Variants in ERC2 observed in about 807,000 individuals in gnomAD.
The protein encoded by ERC2 is ELKS/RAB6-interacting/CAST family member 2, also known as ERC protein 2.
ERC2 carries 42 observed loss-of-function variants against 114.8 expected under a neutral mutation model. That is an observed-to-expected ratio of 0.37 (90% CI 0.29 to 0.47). The LOEUF (loss-of-function observed/expected upper bound fraction) is 0.47, where lower values mean the gene tolerates loss of function less well. Among genes scored for constraint, ERC2 ranks in the 20% least tolerant of loss-of-function variants. The pLI is 0.99. For synonymous variants in ERC2, 454 were observed against 425.5 expected (o/e 1.07, Z -0.82); for missense variants, 939 against 1,150.7 (o/e 0.82, Z 2.66).
intron 3 of ERC2, among the ~76,000 whole-genome samples, chr3:56,257,457 T>C (rs575519637): frequency 6.6e-6 from 1 of 152,310 alleles, no homozygotes; most frequent in African/African-American, 2.4e-5. Flanking sequence ...CTCATCCTTA[T>C]CTGCCCAATG....
intron 17 of ERC2, among the ~76,000 whole-genome samples, chr3:55,561,363 C>T (rs2056004804): frequency 6.6e-6 from 1 of 152,074 alleles, no homozygotes; most frequent in Non-Finnish European, 1.5e-5. Flanking sequence ...CCCACAGAAA[C>T]CCCTCAGAGG....
chr3:56,098,972 A>G (rs2078208635), intron 6 of ERC2, among the ~76,000 whole-genome samples: 1 of 152,230 alleles, frequency 6.6e-6, no homozygotes, highest in Admixed American at 6.5e-5. Flanking sequence ...TCCATGTTCC[A>G]GAACCTGTGA....
chr3:56,109,060 T>C (rs2078820224), intron 6 of ERC2, among the ~76,000 whole-genome samples: 1 of 152,184 alleles, frequency 6.6e-6, no homozygotes, highest in African/African-American at 2.4e-5. Flanking sequence ...TGTGCAGGTT[T>C]GTTATATAAG....
intron 2 of ERC2, among the ~76,000 whole-genome samples, chr3:56,340,241 T>C (rs893194751): frequency 5.3e-5 from 8 of 152,166 alleles, no homozygotes; most frequent in African/African-American, 1.7e-4. Context: ...TTAAATACTA[T>C]CATTAAAATG....
intron 14 of ERC2, among the ~76,000 whole-genome samples, chr3:55,857,207 C>T (rs989537839): frequency 7.2e-5 from 11 of 152,014 alleles, no homozygotes; most frequent in African/African-American, 2.2e-4. Flanking sequence ...AAAAATAAAA[C>T]AGAGAGGGTA....
chr3:55,729,572 C>T (rs918368593), intron 15 of ERC2, among the ~76,000 whole-genome samples: 1 of 152,156 alleles, frequency 6.6e-6, no homozygotes, highest in Non-Finnish European at 1.5e-5. Context: ...TGTGGTGGCT[C>T]ATGCCTAACA....
At chr3:55,570,976 A>C (rs973684264) in intron 17 of ERC2, among the ~76,000 whole-genome samples, 1 of 152,068 alleles carries the variant, frequency 6.6e-6, no homozygotes, top group Non-Finnish European at 1.5e-5. Flanking sequence ...AAAGATAAAA[A>C]TTAGCTGGGC....
chr3:56,144,460 T>C (rs1479807007), intron 5 of ERC2, among the ~76,000 whole-genome samples: 3 of 152,234 alleles, frequency 2.0e-5, no homozygotes, highest in Admixed American at 6.5e-5. Flanking sequence ...CTGATTCATC[T>C]GAAATTGACA....
chr3:56,147,336 T>G (rs1231123706), intron 5 of ERC2, among the ~76,000 whole-genome samples: 1 of 152,184 alleles, frequency 6.6e-6, no homozygotes, highest in African/African-American at 2.4e-5. Context: ...TACATTCAAA[T>G]CCACTGGACA....
At chr3:56,418,907 G>A (rs945462358) in intron 2 of ERC2, among the ~76,000 whole-genome samples, 6 of 152,210 alleles carry the variant, frequency 3.9e-5, no homozygotes, top group African/African-American at 1.4e-4. Context: ...AGAAGACAGA[G>A]AGAGGTCACA....
intron 3 of ERC2, among the ~76,000 whole-genome samples, chr3:56,212,460 G>A (rs1003329603): frequency 2.6e-4 from 40 of 152,106 alleles, no homozygotes; most frequent in African/African-American, 8.5e-4. Context: ...AATAATAAAT[G>A]TTGGTGTGGA....
At chr3:55,619,872 G>A (rs1388569451) in intron 17 of ERC2, among the ~76,000 whole-genome samples, 1 of 152,178 alleles carries the variant, frequency 6.6e-6, no homozygotes, top group Non-Finnish European at 1.5e-5. Flanking sequence ...CAAACTGAAA[G>A]ATCAGGTTAA....
intron 7 of ERC2, among the ~76,000 whole-genome samples, chr3:56,046,643 G>C (rs1016128286): frequency 5.2e-4 from 79 of 152,306 alleles, no homozygotes; most frequent in African/African-American, 1.8e-3. Flanking sequence ...CTAATGGACA[G>C]AGTGTCAGCA....
At chr3:55,969,750 T>G (rs2069018825) in intron 12 of ERC2, among the ~76,000 whole-genome samples, 1 of 152,200 alleles carries the variant, frequency 6.6e-6, no homozygotes, top group African/African-American at 2.4e-5. Context: ...GTTTGATCAT[T>G]AGATCTAGTT....
intron 2 of ERC2, among the ~76,000 whole-genome samples, chr3:56,427,776 C>T (rs2061627687): frequency 6.6e-6 from 1 of 152,140 alleles, no homozygotes; most frequent in Admixed American, 6.5e-5. Context: ...AGGAAGCAAC[C>T]TGCTGACACC....
chr3:55,512,996 T>C (rs1404324978), intron 17 of ERC2, among the ~76,000 whole-genome samples: 1 of 152,190 alleles, frequency 6.6e-6, no homozygotes, highest in African/African-American at 2.4e-5. Context: ...AAAAAACGAA[T>C]CCTGGCTTCC....
intron 17 of ERC2, among the ~76,000 whole-genome samples, chr3:55,609,669 C>T (rs1258254184): frequency 2.0e-5 from 3 of 152,082 alleles, no homozygotes; most frequent in Non-Finnish European, 2.9e-5. Context: ...AGGATGGAAT[C>T]AATCCACTGT....
At chr3:55,997,893 T>G (rs1183069590) in intron 10 of ERC2, among the ~76,000 whole-genome samples, 100 of 53,552 alleles carry the variant, frequency 1.9e-3, no homozygotes, top group African/African-American at 5.7e-3. Context: ...TTTTTTTTTT[T>G]TTTTTTTTTT....
chr3:56,257,039 C>CT (rs1300086278), intron 3 of ERC2, among the ~76,000 whole-genome samples: 2 of 152,108 alleles, frequency 1.3e-5, no homozygotes, highest in Non-Finnish European at 2.9e-5. Context: ...AACCAGCTTC[C>CT]ATATCTTTTA....
Sources: gnomAD v4.1 joint callset for allele counts (sites outside exome capture counted in the v4.1 genomes callset) on GRCh38, gnomAD v4.1.1 for gene constraint, MANE v1.5 for transcripts, NCBI Gene and HGNC (gene_info 2026-07-23, HGNC 2026-07-21) for gene names.